Variants in FAM81B observed in about 807,000 individuals in gnomAD.
The protein encoded by FAM81B is protein FAM81B.
A neutral mutation model predicts 58.7 loss-of-function variants in FAM81B; 60 were observed. That is an observed-to-expected ratio of 1.02 (90% CI 0.83 to 1.27). The LOEUF is 1.27. FAM81B is among the 50% of genes most tolerant of loss of function. The probability of loss-of-function intolerance (pLI) is 0.00; values close to 1 mark genes in which losing one functional copy is unlikely to be tolerated. For missense variants in FAM81B, 491 were observed against 522.0 expected (o/e 0.94, Z 0.58); for synonymous variants, 189 against 179.6 (o/e 1.05, Z -0.42).
At position 95,410,360 on chromosome 5, in the gene FAM81B, C is replaced by T. The variant is rs375211342; in HGVS notation, c.294-3587C>T. 7.2e-5 allele frequency among the ~76,000 whole-genome samples: 11 copies of T among 152,278 alleles called. No individual in the cohort carries two copies. The East Asian group carries it at 1.9e-3, about 27-fold the overall frequency. ...TGTTACTTGAGCCAAACAAACCCTA[C>T]TTGCTTCAGTCACTCTCTCTGGATT... On this transcript the variant is annotated intron_variant, in intron 3 of 9. Coordinates refer to ENST00000283357, the MANE Select transcript of FAM81B (RefSeq NM_152548.3).
At chr5:95,432,817 C>T (rs1358858845) in intron 6 of FAM81B, among the ~76,000 whole-genome samples, 1 of 152,000 alleles carries the variant, frequency 6.6e-6, no homozygotes, top group Non-Finnish European at 1.5e-5. Context: ...AATGATTTTA[C>T]AATTAACAAA....
At chr5:95,402,630 G>C (rs998679417) in intron 3 of FAM81B, among the ~76,000 whole-genome samples, 1 of 152,106 alleles carries the variant, frequency 6.6e-6, no homozygotes, top group Non-Finnish European at 1.5e-5. Flanking sequence ...GTCTTCCTTC[G>C]ATGGGCCAAA....
At chr5:95,400,472 A>T (rs1006674014) in intron 3 of FAM81B, among the ~76,000 whole-genome samples, 2 of 151,956 alleles carry the variant, frequency 1.3e-5, no homozygotes, top group Non-Finnish European at 2.9e-5. Context: ...AGGCATCTTC[A>T]CATCGACACC....
intron 7 of FAM81B, among the ~76,000 whole-genome samples, chr5:95,442,382 G>A (rs1406331603): frequency 1.3e-5 from 2 of 152,162 alleles, no homozygotes; most frequent in African/African-American, 4.8e-5. Context: ...CCAACCACTA[G>A]TGCTGAAGAT....
intron 5 of FAM81B, among the ~76,000 whole-genome samples, chr5:95,424,445 A>AT (rs1230946810): frequency 1.5e-5 from 2 of 137,124 alleles, no homozygotes; most frequent in Admixed American, 7.4e-5. Context: ...AAGACAAAGA[A>AT]TTTAAAAAAA....
At chr5:95,420,232 T>C in intron 4 of FAM81B, 52 bp from the exon 5 acceptor site, 3 of 1,608,610 alleles carry the variant, frequency 1.9e-6, no homozygotes, top group Admixed American at 1.7e-5. Context: ...AAATGATGTT[T>C]CCTTATCATG....
intron 5 of FAM81B, among the ~76,000 whole-genome samples, chr5:95,421,311 G>A (rs1178589710): frequency 6.6e-6 from 1 of 152,202 alleles, no homozygotes; most frequent in Non-Finnish European, 1.5e-5. Context: ...CTTCCCAGGG[G>A]AAGTGACACT....
At position 95,440,438 on chromosome 5, in the gene FAM81B, G is replaced by T. The variant is rs557104123; in HGVS notation, c.893+3532G>T. ...TAATGCCTAAGGCAATTCGAATTTT[G>T]GTTCAGGAGCACCTGACAGGATGCA... On this transcript the variant is annotated intron_variant, in intron 7 of 9. Transcript: ENST00000283357. 3 of 648,460 alleles carry T rather than the reference G, an allele frequency of 4.6e-6. No individual in the cohort carries two copies. The African/African-American group carries it at 5.4e-5, about 12-fold the overall frequency. The allele number at this position is 648,460 out of a possible 1,614,324, so 40.2% of individuals were successfully genotyped here.
intron 2 of FAM81B, among the ~76,000 whole-genome samples, chr5:95,395,707 C>G (rs1478869723): frequency 6.6e-6 from 1 of 152,142 alleles, no homozygotes; most frequent in Non-Finnish European, 1.5e-5. Context: ...GGCTAGTTTT[C>G]TAGTTCGGGG....
intron 4 of FAM81B, among the ~76,000 whole-genome samples, chr5:95,418,541 A>G (rs1222187975): frequency 6.6e-6 from 1 of 152,210 alleles, no homozygotes; most frequent in Admixed American, 6.5e-5. Flanking sequence ...AGTGTGTACG[A>G]TATTATAGTA....
chr5:95,393,115 G>T (rs1761872340), intron 2 of FAM81B, among the ~76,000 whole-genome samples: 1 of 152,098 alleles, frequency 6.6e-6, no homozygotes, highest in African/African-American at 2.4e-5. Context: ...AATATATGGG[G>T]CTAAAATTCT....
At chr5:95,396,043 A>G (rs1761956390) in intron 2 of FAM81B, 68 bp from the exon 3 acceptor site, 1 of 1,253,496 alleles carries the variant, frequency 8.0e-7, no homozygotes, top group Admixed American at 2.1e-5. Flanking sequence ...CTCTTTAAAG[A>G]TAAACTGCAT....
intron 5 of FAM81B, among the ~76,000 whole-genome samples, chr5:95,421,182 A>G (rs1032700743): frequency 4.1e-4 from 62 of 152,222 alleles, no homozygotes; most frequent in Non-Finnish European, 6.0e-4. Flanking sequence ...TCTCCTTTCT[A>G]TAGCTGTTTA....
intron 6 of FAM81B, among the ~76,000 whole-genome samples, chr5:95,436,572 T>A (rs547947921): frequency 6.6e-6 from 1 of 152,228 alleles, no homozygotes; most frequent in Non-Finnish European, 1.5e-5. Context: ...GACAACAGAA[T>A]GGAACACTCC....
chr5:95,441,427 G>A (rs1054415362), intron 7 of FAM81B, among the ~76,000 whole-genome samples: 1 of 152,006 alleles, frequency 6.6e-6, no homozygotes, highest in African/African-American at 2.4e-5. Context: ...AAATTAGCCG[G>A]CCGTGGTGGC....
chr5:95,429,327 T>G (rs2152767199), intron 6 of FAM81B, among the ~76,000 whole-genome samples: 1 of 152,316 alleles, frequency 6.6e-6, no homozygotes, highest in East Asian at 1.9e-4. Context: ...GAAGTGTCTC[T>G]TTTTCACCTT....
chr5:95,421,128 T>C (rs1762669962), intron 5 of FAM81B, among the ~76,000 whole-genome samples: 1 of 152,244 alleles, frequency 6.6e-6, no homozygotes, highest in Non-Finnish European at 1.5e-5. Context: ...TATTAAGCAC[T>C]CATCTTATGC....
At chr5:95,414,784 G>A (rs1326971153) in intron 4 of FAM81B, among the ~76,000 whole-genome samples, 1 of 152,168 alleles carries the variant, frequency 6.6e-6, no homozygotes, top group Admixed American at 6.5e-5. Flanking sequence ...CCTCGTAACA[G>A]AGGATTTGCA....
chr5:95,407,412 A>G (rs555623842), intron 3 of FAM81B, among the ~76,000 whole-genome samples: 3 of 145,236 alleles, frequency 2.1e-5, no homozygotes, highest in African/African-American at 5.4e-5. Flanking sequence ...ACACACACGC[A>G]CACACACACG....
Sources: gnomAD v4.1 joint callset for allele counts (sites outside exome capture counted in the v4.1 genomes callset) on GRCh38, gnomAD v4.1.1 for gene constraint, MANE v1.5 for transcripts, NCBI Gene and HGNC (gene_info 2026-07-23, HGNC 2026-07-21) for gene names.